The following PSD3 variants were observed in gnomAD, a reference collection of about 807,000 sequenced individuals.
PSD3 encodes the protein PH and SEC7 domain-containing protein 3.
A neutral mutation model predicts 105.5 loss-of-function variants in PSD3; 49 were observed. That is an observed-to-expected ratio of 0.46 (90% CI 0.37 to 0.59). The LOEUF (loss-of-function observed/expected upper bound fraction) is 0.59. PSD3 is among the 20% of genes least tolerant of loss of function. PSD3 has a pLI of 0.00. For synonymous variants in PSD3, 557 were observed against 457.8 expected, an observed-to-expected ratio of 1.22 and a Z score of -2.77; for missense variants, 1,561 against 1,263.8, an observed-to-expected ratio of 1.24 and a Z score of -3.57.
intron 4 of PSD3, among the ~76,000 whole-genome samples, chr8:18,830,268 C>T (rs138101835): frequency 2.2e-4 from 33 of 152,308 alleles, no homozygotes; most frequent in African/African-American, 7.7e-4. Flanking sequence ...ATGAAATAGG[C>T]TCCAGATCCC....
chr8:18,783,005 T>C (rs151254410), intron 8 of PSD3, among the ~76,000 whole-genome samples: 1 of 152,366 alleles, frequency 6.6e-6, no homozygotes, highest in African/African-American at 2.4e-5. Flanking sequence ...ATCAGGGTAA[T>C]AGTGCTCTCA....
At chr8:18,883,152 T>A (rs6991531) in intron 2 of PSD3, among the ~76,000 whole-genome samples, 1 of 152,170 alleles carries the variant, frequency 6.6e-6, no homozygotes, top group African/African-American at 2.4e-5. Context: ...AGGATTTGTA[T>A]ACACGTTACA....
chr8:18,839,411 T>C (rs568833282), intron 4 of PSD3, among the ~76,000 whole-genome samples: 2 of 152,268 alleles, frequency 1.3e-5, no homozygotes, highest in African/African-American at 4.8e-5. Flanking sequence ...AAAAGATCTA[T>C]TGTCCAAAGG....
intron 1 of PSD3, among the ~76,000 whole-genome samples, chr8:19,040,557 G>A (rs1047355592): frequency 1.2e-4 from 18 of 152,176 alleles, no homozygotes; most frequent in Admixed American, 5.9e-4. Flanking sequence ...TTAAGCCCAC[G>A]AGTAACTTGG....
At chr8:18,960,848 G>T (rs1823867715) in intron 1 of PSD3, among the ~76,000 whole-genome samples, 1 of 152,092 alleles carries the variant, frequency 6.6e-6, no homozygotes, top group South Asian at 2.1e-4. Flanking sequence ...GACTTTAAGA[G>T]GCCAAGGGGG....
At chr8:18,604,142 C>A (rs114437542) in intron 11 of PSD3, among the ~76,000 whole-genome samples, 172 of 152,216 alleles carry the variant, frequency 1.1e-3, no homozygotes, top group African/African-American at 4.0e-3. Flanking sequence ...AGGAAGATGA[C>A]TGAAAGTTTG....
intron 1 of PSD3, among the ~76,000 whole-genome samples, chr8:18,947,566 G>C (rs899883623): frequency 6.6e-6 from 1 of 152,148 alleles, no homozygotes; most frequent in African/African-American, 2.4e-5. Context: ...ATGGGGTGGC[G>C]GGGGGCCCAG....
intron 9 of PSD3, among the ~76,000 whole-genome samples, chr8:18,758,773 T>C (rs937828641): frequency 6.6e-6 from 1 of 152,144 alleles, no homozygotes; most frequent in African/African-American, 2.4e-5. Context: ...GAAAACCAAA[T>C]GAGAAAATTA....
intron 11 of PSD3, among the ~76,000 whole-genome samples, chr8:18,626,424 A>T (rs958636426): frequency 3.9e-5 from 6 of 152,136 alleles, no homozygotes; most frequent in Admixed American, 3.9e-4. Context: ...TTTACATACA[A>T]ATGTAATATA....
intron 1 of PSD3, among the ~76,000 whole-genome samples, chr8:18,956,441 G>A (rs1261248538): frequency 6.6e-6 from 1 of 152,162 alleles, no homozygotes; most frequent in Non-Finnish European, 1.5e-5. Flanking sequence ...GAAAGTAGAT[G>A]ATTACACTGG....
chr8:18,775,529 C>G (rs532697381), intron 8 of PSD3, among the ~76,000 whole-genome samples: 1 of 152,114 alleles, frequency 6.6e-6, no homozygotes, highest in African/African-American at 2.4e-5. Flanking sequence ...TTGATAAAAA[C>G]CATTTTAACT....
chr8:18,871,188 T>A (rs1028445092), intron 3 of PSD3, among the ~76,000 whole-genome samples: 2 of 152,150 alleles, frequency 1.3e-5, no homozygotes, highest in Non-Finnish European at 2.9e-5. Flanking sequence ...ACTGAAGGCA[T>A]TGGTGTTATA....
intron 1 of PSD3, among the ~76,000 whole-genome samples, chr8:18,941,865 G>T (rs1822569135): frequency 1.3e-5 from 2 of 151,746 alleles, no homozygotes; most frequent in African/African-American, 2.4e-5. Context: ...TAGAGACAGG[G>T]TTTCACCATG....
At chr8:18,574,256 C>A (rs972075168) in intron 13 of PSD3, among the ~76,000 whole-genome samples, 1 of 152,208 alleles carries the variant, frequency 6.6e-6, no homozygotes, top group Non-Finnish European at 1.5e-5. Flanking sequence ...CTCCTCACGG[C>A]ACCCTCTCTA....
In PSD3 at chr8:18,722,457, G is replaced by T. The variant is rs555420509; in HGVS notation, c.2172+42992C>A. Among the ~76,000 whole-genome samples the T allele has an allele frequency of 2.6e-3, 402 of 152,236 alleles. 4 individuals carry two copies. Among genetic ancestry groups the T allele is most frequent in the South Asian group, 0.019 (92 of 4,810 alleles). The stretch of plus-strand genomic sequence containing the variant: ...GATAATCTGAGATTTCTCTTATCTA[G>T]ATGGCCTTGTAAAAGGTTTCCCTTC... On this transcript the variant is annotated intron_variant, in intron 9 of 15. Coordinates refer to ENST00000327040, the MANE Select transcript of PSD3 (RefSeq NM_015310.4).
intron 8 of PSD3, among the ~76,000 whole-genome samples, chr8:18,773,795 T>A (rs1207862459): frequency 6.6e-6 from 1 of 152,194 alleles, no homozygotes. Flanking sequence ...ATATACAAAG[T>A]GAACTTGGAT....
chr8:18,867,529 C>A, intron 4 of PSD3, 145 bp downstream of exon 4: 1 of 1,066,060 alleles, frequency 9.4e-7, no homozygotes, highest in Non-Finnish European at 1.3e-6. Flanking sequence ...TGCCCTAAAA[C>A]TCAAATTACT....
chr8:18,667,177 C>T (rs1799519957), intron 9 of PSD3, among the ~76,000 whole-genome samples: 1 of 152,172 alleles, frequency 6.6e-6, no homozygotes, highest in Non-Finnish European at 1.5e-5. Flanking sequence ...GCCCCACCCA[C>T]ATCCTGCTGA....
At chr8:18,780,139 CT>C (rs1405320598) in intron 8 of PSD3, among the ~76,000 whole-genome samples, 1 of 152,170 alleles carries the variant, frequency 6.6e-6, no homozygotes, top group Non-Finnish European at 1.5e-5. Context: ...ATTGTTTAAT[CT>C]TCTTGCTGAA....
Sources: gnomAD v4.1 joint callset for allele counts (sites outside exome capture counted in the v4.1 genomes callset) on GRCh38, gnomAD v4.1.1 for gene constraint, MANE v1.5 for transcripts, NCBI Gene and HGNC (gene_info 2026-07-23, HGNC 2026-07-21) for gene names.